FAM174B: variants seen among roughly 807,000 people sequenced by gnomAD.
FAM174B encodes membrane protein FAM174B.
A neutral mutation model predicts 10.9 loss-of-function variants in FAM174B; 12 were observed. The observed-to-expected ratio is 1.10, with a 90% confidence interval of 0.71 to 1.79. The LOEUF (loss-of-function observed/expected upper bound fraction) is 1.79. FAM174B is among the 40% of genes most tolerant of loss of function. FAM174B has a pLI of 0.00. For synonymous variants in FAM174B, 132 were observed against 115.8 expected (o/e 1.14, Z -0.90); for missense variants, 266 against 233.3 (o/e 1.14, Z -0.91).
rs553117445 is a variant in FAM174B at position 92,623,382 on chromosome 15, A to G, written c.477-3923T>C. Among the ~76,000 whole-genome samples, 41 of 152,260 alleles carry G rather than the reference A, an allele frequency of 2.7e-4. 1 individual carries two copies. The East Asian group carries it at 5.6e-3, about 21-fold the overall frequency. On this transcript the variant is annotated intron_variant, in intron 2 of 2. Coordinates refer to ENST00000327355, the MANE Select transcript of FAM174B (RefSeq NM_207446.3). ...AAACTGCTAGTGACATTCCTGCTTC[A>G]TCATTAACATAAGTCAGAAAGAGTC...
In FAM174B at chr15:92,619,238, G is replaced by C. The variant is rs1452977323; in HGVS notation, c.*218C>G. ...GGCACTTTAAAGGGATGCCCAAAGG[G>C]TGGCAGAAGCAACTCCATTGTGGTG... On this transcript the variant is annotated 3_prime_UTR_variant, in exon 3 of 3. Coordinates refer to ENST00000327355, the MANE Select transcript of FAM174B (RefSeq NM_207446.3). 2 of 707,430 alleles carry C rather than the reference G, an allele frequency of 2.8e-6. No homozygotes were observed. Among genetic ancestry groups the C allele is most frequent in the Non-Finnish European group, 2.6e-6 (1 of 387,442 alleles). 43.8% of individuals were successfully genotyped at this position (707,430 alleles called of 1,614,324 possible).
chr15:92,648,322 T>C (rs960747868), intron 1 of FAM174B, among the ~76,000 whole-genome samples: 2 of 152,228 alleles, frequency 1.3e-5, no homozygotes, highest in African/African-American at 4.8e-5. Flanking sequence ...CAAAGGGCAT[T>C]ATCCTATGCC....
chr15:92,655,685 G>A lies in FAM174B; in HGVS notation c.-26C>T, dbSNP rs2051000929. Reference sequence around the variant, plus strand: ...AGTGCGGTGGGTCGGCACAGGATCGGGCAGGGCGCGCGCGGCTGAGCTCCA... The same window carrying A: ...AGTGCGGTGGGTCGGCACAGGATCGAGCAGGGCGCGCGCGGCTGAGCTCCA... On this transcript the variant is annotated 5_prime_UTR_variant, in exon 1 of 3. Coordinates refer to ENST00000327355, the MANE Select transcript of FAM174B (RefSeq NM_207446.3). 2 of 1,239,940 alleles carry A rather than the reference G, an allele frequency of 1.6e-6. No individual in the cohort carries two copies. Among genetic ancestry groups the A allele is most frequent in the Non-Finnish European group, 2.0e-6 (2 of 993,130 alleles). The allele number at this position is 1,239,940 out of a possible 1,614,324, so 76.8% of individuals were successfully genotyped here. A position where few individuals can be genotyped will look rare whatever the true frequency, so the allele number is the denominator to read the frequency against.
At chr15:92,620,853 G>T (rs1043297479) in intron 2 of FAM174B, among the ~76,000 whole-genome samples, 1 of 140,742 alleles carries the variant, frequency 7.1e-6, no homozygotes, top group Non-Finnish European at 1.5e-5. Flanking sequence ...CTCTGCTCAA[G>T]ACATCATCTA....
At chr15:92,647,985 T>C (rs939522310) in intron 1 of FAM174B, among the ~76,000 whole-genome samples, 2 of 152,210 alleles carry the variant, frequency 1.3e-5, no homozygotes, top group African/African-American at 4.8e-5. Flanking sequence ...AGCATTCCTT[T>C]CTATTGACTT....
At chr15:92,629,241 G>C (rs921714825) in intron 2 of FAM174B, among the ~76,000 whole-genome samples, 4 of 152,170 alleles carry the variant, frequency 2.6e-5, no homozygotes, top group African/African-American at 9.7e-5. Flanking sequence ...CCCTTTCTCT[G>C]GGTCTTCGAG....
In FAM174B at chr15:92,655,562, G is replaced by A. The variant is rs1431376675; in HGVS notation, c.98C>T (p.Ser33Phe). 1.4e-6 allele frequency: 2 copies of A among 1,388,292 alleles called. No individual in the cohort carries two copies. Among genetic ancestry groups the A allele is most frequent in the Non-Finnish European group, 9.3e-7 (1 of 1,072,684 alleles). The allele number at this position is 1,388,292 out of a possible 1,614,324, so 86.0% of individuals were successfully genotyped here. ...GCGCTCGGGTTCGGGCCACGGCGCGGAGACGGACTCGGCTCTGCTGGCGCG... is the reference window on the plus strand; with the variant it reads ...GCGCTCGGGTTCGGGCCACGGCGCGAAGACGGACTCGGCTCTGCTGGCGCG... ...AARASRAESV[S>F]APWPEPERES... Residue 33 changes from serine (S) to phenylalanine (F), a missense_variant, in exon 1 of 3, where the codon TCC becomes TTC. Physicochemically the swap from Ser to Phe is radical, Grantham distance 155. Coordinates refer to ENST00000327355, the MANE Select transcript of FAM174B (RefSeq NM_207446.3).
chr15:92,646,566 G>A (rs897925780), intron 1 of FAM174B, among the ~76,000 whole-genome samples: 8 of 152,148 alleles, frequency 5.3e-5, no homozygotes, highest in African/African-American at 1.7e-4. Context: ...ACTAATTCAG[G>A]CCATGATGGG....
chr15:92,644,576 C>CT (rs2050913545), intron 1 of FAM174B, among the ~76,000 whole-genome samples: 1 of 152,156 alleles, frequency 6.6e-6, no homozygotes. Flanking sequence ...AGGGCACCCC[C>CT]TCCCCACCAC....
intron 1 of FAM174B, among the ~76,000 whole-genome samples, chr15:92,645,915 C>T (rs1362142057): frequency 6.6e-6 from 1 of 152,198 alleles, no homozygotes; most frequent in Non-Finnish European, 1.5e-5. Context: ...CACCCAGCCC[C>T]AAGGCCCAGC....
rs2050997637 is a variant in FAM174B, at chr15:92,655,492, CCGGGTGGTGTTCCCGGGCCCCGGGCCGGG to C, written c.139_167del (p.Pro47ValfsTer71). 5.2e-6 allele frequency: 8 copies of C among 1,532,704 alleles called. No homozygotes were observed. In the East Asian group the frequency reaches 2.2e-4, roughly 41 times the overall value. 94.9% of individuals were successfully genotyped at this position (1,532,704 alleles called of 1,614,324 possible). A position where few individuals can be genotyped will look rare whatever the true frequency, so the allele number is the denominator to read the frequency against. Reference sequence around the variant, plus strand: ...TGCCGCCCGCCGCCCCAGACCCAAACCGGGTGGTGTTCCCGGGCCCCGGGCCGGGCGGTGGCCGCGACTCGCGCTCGGGT... The same window carrying C: ...TGCCGCCCGCCGCCCCAGACCCAAACCGGTGGCCGCGACTCGCGCTCGGGT... On this transcript the variant is annotated frameshift_variant, in exon 1 of 3. Coordinates refer to ENST00000327355, the MANE Select transcript of FAM174B (RefSeq NM_207446.3). LOFTEE classifies it high-confidence loss of function.
intron 1 of FAM174B, among the ~76,000 whole-genome samples, chr15:92,644,565 T>TA (rs1427405586): frequency 6.6e-6 from 1 of 152,006 alleles, no homozygotes; most frequent in Non-Finnish European, 1.5e-5. Flanking sequence ...ACCCCTGTCC[T>TA]AGGGCACCCC....
In FAM174B at chr15:92,624,380, C is replaced by A. The variant is rs558924067; in HGVS notation, c.477-4921G>T. Among the ~76,000 whole-genome samples the A allele has an allele frequency of 1.7e-4, 26 of 151,290 alleles. 1 individual carries two copies. The highest frequency in any genetic ancestry group is 6.0e-4 in the African/African-American group (25 of 41,546). ...CTAACAGTTCGCCCTCAGAAGACCA[C>A]GAGGAAGCCTGGGGTGCCTGGCCAT... On this transcript the variant is annotated intron_variant, in intron 2 of 2. Coordinates refer to ENST00000327355, the MANE Select transcript of FAM174B (RefSeq NM_207446.3).
intron 1 of FAM174B, among the ~76,000 whole-genome samples, chr15:92,635,120 GTCTC>G (rs71156651): frequency 4.4e-4 from 64 of 146,868 alleles, no homozygotes; most frequent in African/African-American, 1.3e-3. Context: ...CTCTTTCTCT[GTCTC>G]TCTCTCTCTC....
At chr15:92,638,870 A>G (rs998846978) in intron 1 of FAM174B, among the ~76,000 whole-genome samples, 1 of 152,180 alleles carries the variant, frequency 6.6e-6, no homozygotes, top group Non-Finnish European at 1.5e-5. Context: ...GGCACTGTCT[A>G]CACATGACCT....
chr15:92,630,087 G>A (rs780822928), intron 2 of FAM174B, 127 bp downstream of exon 2: 65 of 838,568 alleles, frequency 7.8e-5, no homozygotes, highest in Admixed American at 4.9e-4. Context: ...GTCTCTCCAC[G>A]TGCAGAACAC....
At chr15:92,650,773 C>T (rs2050961240) in intron 1 of FAM174B, among the ~76,000 whole-genome samples, 1 of 152,154 alleles carries the variant, frequency 6.6e-6, no homozygotes, top group Admixed American at 6.5e-5. Flanking sequence ...GCAATCACAG[C>T]TTTCTACTTC....
chr15:92,649,840 G>C (rs1291995977), intron 1 of FAM174B, among the ~76,000 whole-genome samples: 1 of 152,194 alleles, frequency 6.6e-6, no homozygotes, highest in Non-Finnish European at 1.5e-5. Context: ...GATTTTGGCT[G>C]TATCCGATTT....
chr15:92,632,621 C>T (rs908371419), intron 1 of FAM174B, among the ~76,000 whole-genome samples: 3 of 152,194 alleles, frequency 2.0e-5, no homozygotes, highest in Non-Finnish European at 2.9e-5. Context: ...GCAATCCTTT[C>T]GCCTCAGCCT....
Sources: allele counts gnomAD v4.1 joint callset (sites outside exome capture counted in the v4.1 genomes callset), GRCh38; gene constraint gnomAD v4.1.1; transcripts MANE v1.5; gene names NCBI Gene and HGNC (gene_info 2026-07-23, HGNC 2026-07-21).